Variants in PCDH7 observed in about 807,000 individuals in gnomAD.
PCDH7 encodes the protein protocadherin 7.
PCDH7 carries 17 observed loss-of-function variants against 58.9 expected under a neutral mutation model. The ratio of observed to expected loss-of-function variants is 0.29; its 90% confidence interval spans 0.20 to 0.43. The LOEUF is 0.43. PCDH7 is among the 20% of genes least tolerant of loss of function. The probability of loss-of-function intolerance (pLI) is 1.00; values close to 1 mark genes in which losing one functional copy is unlikely to be tolerated. For synonymous variants in PCDH7, 664 were observed against 616.4 expected (o/e 1.08, Z -1.14); for missense variants, 1,274 against 1,441.0 (o/e 0.88, Z 1.88).
chr4:31,030,932 G>C (rs571326128), intron 3 of PCDH7, among the ~76,000 whole-genome samples: 14 of 152,258 alleles, frequency 9.2e-5, no homozygotes, highest in African/African-American at 3.4e-4. Flanking sequence ...GAGGTGTAGG[G>C]CATTTTCCCA....
Position 30,865,232 on chromosome 4 carries a change from G to T in PCDH7, c.71-54921G>T, listed in dbSNP as rs117883274. ...ATAATGTTTGACTTGGAGAACATAG[G>T]ACTTGGGATGTTCCTAAGGTTTTAT... On this transcript the variant is annotated intron_variant, in intron 1 of 3. Transcript: ENST00000509759. Among the ~76,000 whole-genome samples the T allele has an allele frequency of 3.9e-4, 60 of 152,186 alleles. 2 individuals carry two copies. The East Asian group carries it at 7.2e-3, about 18-fold the overall frequency.
chr4:31,001,305 C>T (rs1174892239), intron 3 of PCDH7, among the ~76,000 whole-genome samples: 2 of 151,972 alleles, frequency 1.3e-5, no homozygotes, highest in Non-Finnish European at 2.9e-5. Flanking sequence ...TGAAAGTTAT[C>T]TTCAGAATAT....
At chr4:30,755,641 A>T (rs1396269527) in intron 1 of PCDH7, among the ~76,000 whole-genome samples, 1 of 152,114 alleles carries the variant, frequency 6.6e-6, no homozygotes, top group Non-Finnish European at 1.5e-5. Flanking sequence ...CCACTGTCTT[A>T]GTCTGTTTTT....
intron 3 of PCDH7, among the ~76,000 whole-genome samples, chr4:31,131,761 G>T (rs2109337077): frequency 6.6e-6 from 1 of 152,258 alleles, no homozygotes; most frequent in Non-Finnish European, 1.5e-5. Flanking sequence ...CCCAAGCAAA[G>T]AGTTTGAGAA....
intron 1 of PCDH7, among the ~76,000 whole-genome samples, chr4:30,787,987 G>C (rs1374653): frequency 6.6e-6 from 1 of 151,958 alleles, no homozygotes; most frequent in African/African-American, 2.4e-5. Flanking sequence ...CAATTGAGCC[G>C]TTTAAATTAA....
chr4:30,793,317 T>C (rs1724370614), intron 1 of PCDH7, among the ~76,000 whole-genome samples: 1 of 152,224 alleles, frequency 6.6e-6, no homozygotes, highest in Non-Finnish European at 1.5e-5. Context: ...AACTGTGCTC[T>C]TGTCATTTGA....
At chr4:31,115,984 A>G (rs1716937970) in intron 3 of PCDH7, among the ~76,000 whole-genome samples, 1 of 152,206 alleles carries the variant, frequency 6.6e-6, no homozygotes, top group Non-Finnish European at 1.5e-5. Flanking sequence ...GAAAAATGTA[A>G]TGATGTAATA....
chr4:31,111,592 A>T (rs1716328652), intron 3 of PCDH7, among the ~76,000 whole-genome samples: 1 of 152,086 alleles, frequency 6.6e-6, no homozygotes, highest in African/African-American at 2.4e-5. Flanking sequence ...GTGTGGATAT[A>T]ATCTCCATCA....
chr4:31,004,431 C>T (rs779554534), intron 3 of PCDH7, among the ~76,000 whole-genome samples: 1 of 152,024 alleles, frequency 6.6e-6, no homozygotes, highest in Non-Finnish European at 1.5e-5. Flanking sequence ...AACATAAGGC[C>T]GGGCGTGGTG....
chr4:30,793,866 G>T (rs542373331), intron 1 of PCDH7: 1 of 152,256 alleles, frequency 6.6e-6, no homozygotes, highest in African/African-American at 2.4e-5. Flanking sequence ...AGGTAATCAT[G>T]GTTTTGAATA....
chr4:30,849,892 C>T (rs1252135339), intron 1 of PCDH7, among the ~76,000 whole-genome samples: 2 of 152,102 alleles, frequency 1.3e-5, no homozygotes, highest in African/African-American at 4.8e-5. Flanking sequence ...TACTTTCTAG[C>T]TTCGGGTCAA....
chr4:30,898,792 T>C (rs1739801642), intron 1 of PCDH7, among the ~76,000 whole-genome samples: 2 of 152,096 alleles, frequency 1.3e-5, no homozygotes, highest in Non-Finnish European at 2.9e-5. Flanking sequence ...GGGGTTTCAC[T>C]GTGTTAGCCA....
chr4:30,888,436 G>A (rs34297806), intron 1 of PCDH7, among the ~76,000 whole-genome samples: 35,789 of 152,022 alleles, frequency 0.24, 4,299 homozygotes, highest in Middle Eastern at 0.27. Flanking sequence ...TAAGCTGCAA[G>A]GCAGAAATAG....
rs1713720855 is a variant in PCDH7 at position 30,722,160 on chromosome 4, G to A, written c.738G>A (p.Leu246=). The change falls in exon 1 of 2, where the codon CTG becomes CTA. Residue 246 remains leucine (L), a synonymous_variant. Transcript: ENST00000361762. This position sits in a 1 kb window ranked among gnomAD's most constrained non-coding sequence, Gnocchi z 7.6. ...GCGGCCGCAGCAGCGTGTTCGAGCT[G>A]CAGGTGGCGGACACCCCGGACGGCG... 1.3e-6 allele frequency: 2 copies of A among 1,522,300 alleles called. No homozygotes were observed. The highest frequency in any genetic ancestry group is 1.8e-6 in the Non-Finnish European group (2 of 1,136,504). 94.3% of individuals were successfully genotyped at this position (1,522,300 alleles called of 1,614,324 possible). A position where few individuals can be genotyped will look rare whatever the true frequency, so the allele number is the denominator to read the frequency against.
chr4:30,962,801 A>AACAGT (rs1553920249), intron 3 of PCDH7, among the ~76,000 whole-genome samples: 4 of 151,402 alleles, frequency 2.6e-5, no homozygotes, highest in Non-Finnish European at 5.9e-5. Flanking sequence ...AAAAAAAAAA[A>AACAGT]AAAACAGTGG....
Position 30,769,288 on chromosome 4 carries a change from G to A in PCDH7, c.70+44692G>A, listed in dbSNP as rs994684573. ...CAGCTCCTGCTGACTTGGCTGCACC[G>A]CAGCCCCCTTAGGCCCTGCTGCCAG... is the stretch of plus-strand genomic sequence containing the variant. On this transcript the variant is annotated intron_variant, in intron 1 of 3. Coordinates refer to the PCDH7 transcript ENST00000509759. Among the ~76,000 whole-genome samples, 4 of 152,196 alleles carry A rather than the reference G, an allele frequency of 2.6e-5. No homozygotes were observed. In the East Asian group the frequency reaches 5.8e-4, roughly 22 times the overall value.
intron 1 of PCDH7, among the ~76,000 whole-genome samples, chr4:30,887,194 CT>C (rs1364745743): frequency 1.3e-5 from 2 of 152,026 alleles, no homozygotes; most frequent in East Asian, 3.9e-4. Flanking sequence ...CAGTAGTATG[CT>C]AAGGTAGCTA....
At chr4:31,043,198 A>G (rs1167899500) in intron 3 of PCDH7, among the ~76,000 whole-genome samples, 2 of 152,244 alleles carry the variant, frequency 1.3e-5, no homozygotes, top group East Asian at 3.9e-4. Flanking sequence ...GGGGACAACT[A>G]TTCAAACCAT....
At chr4:30,962,776 TAA>T (rs57257786) in intron 3 of PCDH7, among the ~76,000 whole-genome samples, 16,663 of 68,718 alleles carry the variant, frequency 0.24, 1,522 homozygotes, top group Non-Finnish European at 0.31. Flanking sequence ...GACCCAGTCT[TAA>T]AAAAAAAAAA....
Sources: allele counts gnomAD v4.1 joint callset (sites outside exome capture counted in the v4.1 genomes callset), GRCh38; gene constraint gnomAD v4.1.1; non-coding constraint Gnocchi (gnomAD v3.1); transcripts MANE v1.5; gene names NCBI Gene and HGNC (gene_info 2026-07-23, HGNC 2026-07-21).